CDH18: variants seen among roughly 807,000 people sequenced by gnomAD.
CDH18 encodes the protein cadherin-18.
In CDH18, 31 loss-of-function variants were observed where a neutral mutation model predicts 67.9. The ratio of observed to expected loss-of-function variants is 0.46; its 90% CI spans 0.34 to 0.62. CDH18 has a LOEUF of 0.62. Among genes scored for constraint, CDH18 ranks in the 20% least tolerant of loss-of-function variants. The pLI, the probability that CDH18 is intolerant of heterozygous loss-of-function variation, is 0.01. For synonymous variants in CDH18, 362 were observed against 347.2 expected, an observed-to-expected ratio of 1.04 and a Z score of -0.48; for missense variants, 890 against 975.5, an observed-to-expected ratio of 0.91 and a Z score of 1.17.
At chr5:20,104,592 T>C (rs1314730542) in intron 2 of CDH18, among the ~76,000 whole-genome samples, 1 of 152,086 alleles carries the variant, frequency 6.6e-6, no homozygotes, top group Non-Finnish European at 1.5e-5. Flanking sequence ...GCGATCTATG[T>C]CCCTAGTACT....
intron 3 of CDH18, 22 bp downstream of exon 3, chr5:19,838,737 A>G: frequency 1.3e-6 from 2 of 1,546,538 alleles, no homozygotes; most frequent in Non-Finnish European, 1.8e-6. Flanking sequence ...TAGAAAAAAC[A>G]GCAAAATAAA....
intron 2 of CDH18, among the ~76,000 whole-genome samples, chr5:19,854,640 T>G (rs1715638977): frequency 6.6e-6 from 1 of 152,092 alleles, no homozygotes; most frequent in Non-Finnish European, 1.5e-5. Context: ...GTAAAAAGGA[T>G]TACAGTGGGT....
intron 2 of CDH18, among the ~76,000 whole-genome samples, chr5:20,039,200 C>T (rs932666028): frequency 6.6e-6 from 1 of 152,078 alleles, no homozygotes; most frequent in Non-Finnish European, 1.5e-5. Flanking sequence ...GGAGAGTACA[C>T]AAACAAATGG....
intron 1 of CDH18, among the ~76,000 whole-genome samples, chr5:20,573,947 G>A (rs1758971917): frequency 7.0e-6 from 1 of 142,904 alleles, no homozygotes; most frequent in Non-Finnish European, 1.5e-5. Context: ...TTTCTTTTAA[G>A]TATTTTATAT....
At chr5:20,126,711 A>C (rs2126451164) in intron 2 of CDH18, among the ~76,000 whole-genome samples, 1 of 152,336 alleles carries the variant, frequency 6.6e-6, no homozygotes, top group South Asian at 2.1e-4. Flanking sequence ...TATATTAAAA[A>C]GATGATTTAA....
chr5:20,397,104 T>C (rs1207395641), intron 1 of CDH18, among the ~76,000 whole-genome samples: 1 of 150,834 alleles, frequency 6.6e-6, no homozygotes. Flanking sequence ...AGTCCACACA[T>C]GTTTTTTGTT....
chr5:19,753,277 C>T (rs75841406), intron 3 of CDH18, among the ~76,000 whole-genome samples: 20,690 of 151,678 alleles, frequency 0.14, 3,577 homozygotes, highest in African/African-American at 0.4. Flanking sequence ...AAATAAATAA[C>T]AATAAAAAAA....
intron 5 of CDH18, among the ~76,000 whole-genome samples, chr5:19,688,576 A>C (rs1462324128): frequency 6.6e-6 from 1 of 152,190 alleles, no homozygotes; most frequent in Non-Finnish European, 1.5e-5. Flanking sequence ...AAAATGGAAG[A>C]AGTGACTGTT....
At chr5:20,016,261 TGGGAACAAGTGGTCACAAAAAG>T (rs1394859933) in intron 2 of CDH18, among the ~76,000 whole-genome samples, 1 of 151,830 alleles carries the variant, frequency 6.6e-6, no homozygotes, top group Non-Finnish European at 1.5e-5. Flanking sequence ...AGCTAAAAGA[TGGGAACAAGTGGTCACAAAAAG>T]GGGAACAACA....
chr5:19,858,763 A>G (rs1197797135), intron 2 of CDH18, among the ~76,000 whole-genome samples: 5 of 152,106 alleles, frequency 3.3e-5, no homozygotes, highest in African/African-American at 9.7e-5. Flanking sequence ...ATTAAAGACA[A>G]ACAGTGCAAA....
intron 2 of CDH18, among the ~76,000 whole-genome samples, chr5:19,926,571 T>C (rs557540819): frequency 1.7e-4 from 26 of 152,280 alleles, no homozygotes; most frequent in Admixed American, 7.2e-4. Flanking sequence ...AATTCCAGTA[T>C]TTAATTTCCA....
intron 11 of CDH18, among the ~76,000 whole-genome samples, chr5:19,500,148 C>T (rs903542636): frequency 3.3e-5 from 5 of 151,552 alleles, no homozygotes; most frequent in African/African-American, 1.2e-4. Flanking sequence ...GCACACAAGA[C>T]CCTGCAGTCC....
chr5:20,224,371 C>A (rs1393852622), intron 2 of CDH18, among the ~76,000 whole-genome samples: 1 of 152,020 alleles, frequency 6.6e-6, no homozygotes, highest in East Asian at 1.9e-4. Flanking sequence ...TTACCAAATT[C>A]AGAATATTGG....
At chr5:20,222,102 C>T (rs534478094) in intron 2 of CDH18, among the ~76,000 whole-genome samples, 39 of 152,244 alleles carry the variant, frequency 2.6e-4, no homozygotes, top group African/African-American at 8.7e-4. Context: ...ATAAACTGCA[C>T]TCCTCATGAT....
chr5:19,787,525 A>G (rs545838054), intron 3 of CDH18, among the ~76,000 whole-genome samples: 1 of 152,248 alleles, frequency 6.6e-6, no homozygotes, highest in Non-Finnish European at 1.5e-5. Flanking sequence ...TTTTATAGTT[A>G]TCTGAAACTA....
chr5:20,519,436 C>G (rs1755587520), intron 1 of CDH18, among the ~76,000 whole-genome samples: 1 of 151,918 alleles, frequency 6.6e-6, no homozygotes, highest in African/African-American at 2.4e-5. Flanking sequence ...CACATGGACA[C>G]AGGAAGGGGA....
At chr5:20,488,837 A>G (rs2126370672) in intron 1 of CDH18, among the ~76,000 whole-genome samples, 1 of 152,086 alleles carries the variant, frequency 6.6e-6, no homozygotes, top group South Asian at 2.1e-4. Flanking sequence ...GTTGTCATAG[A>G]AAATATTTAT....
intron 1 of CDH18, among the ~76,000 whole-genome samples, chr5:20,485,642 T>C (rs902979707): frequency 6.6e-6 from 1 of 152,120 alleles, no homozygotes. Context: ...TCAAAATCTA[T>C]CTTCAGAAAC....
intron 1 of CDH18, among the ~76,000 whole-genome samples, chr5:20,456,301 C>A (rs1267270863): frequency 2.0e-5 from 3 of 152,040 alleles, no homozygotes; most frequent in African/African-American, 7.2e-5. Flanking sequence ...ACTCTAACAT[C>A]AGCATCGTGT....
Sources: gnomAD v4.1 joint callset for allele counts (sites outside exome capture counted in the v4.1 genomes callset) on GRCh38, gnomAD v4.1.1 for gene constraint, MANE v1.5 for transcripts, NCBI Gene and HGNC (gene_info 2026-07-23, HGNC 2026-07-21) for gene names.